Variants in PDE10A observed in about 807,000 individuals in gnomAD.
The protein encoded by PDE10A is phosphodiesterase 10A, also known as cAMP and cAMP-inhibited cGMP 3',5'-cyclic phosphodiesterase 10A.
A neutral mutation model predicts 97.7 loss-of-function variants in PDE10A; 39 were observed. That is an observed-to-expected ratio of 0.40 (90% CI 0.31 to 0.52). The LOEUF is 0.52. Among genes scored for constraint, PDE10A ranks in the 20% least tolerant of loss-of-function variants. The pLI is 0.56. For synonymous variants in PDE10A, 371 were observed against 376.8 expected (o/e 0.98, Z 0.18); for missense variants, 731 against 1,047.8 (o/e 0.70, Z 4.17).
At chr6:165,362,426 G>A (rs1291030001) in intron 18 of PDE10A, among the ~76,000 whole-genome samples, 1 of 152,126 alleles carries the variant, frequency 6.6e-6, no homozygotes, top group Admixed American at 6.6e-5. Context: ...GAACTACCAT[G>A]AACAACTGTA....
intron 1 of PDE10A, among the ~76,000 whole-genome samples, chr6:165,902,110 A>G (rs972965470): frequency 6.6e-6 from 1 of 152,216 alleles, no homozygotes; most frequent in Non-Finnish European, 1.5e-5. Context: ...ATGTATATGC[A>G]ATCTATACCT....
chr6:165,541,907 C>T (rs1179882377), intron 2 of PDE10A, among the ~76,000 whole-genome samples: 1 of 152,018 alleles, frequency 6.6e-6, no homozygotes, highest in Non-Finnish European at 1.5e-5. Context: ...GCACAAAAGC[C>T]CTCATTTAAA....
chr6:165,825,234 A>AG (rs1359832229), intron 1 of PDE10A, among the ~76,000 whole-genome samples: 3 of 151,952 alleles, frequency 2.0e-5, no homozygotes, highest in Non-Finnish European at 4.4e-5. Context: ...TGATGTGAGC[A>AG]GGGCTCTGCC....
At chr6:165,874,195 C>T (rs1290630171) in intron 1 of PDE10A, among the ~76,000 whole-genome samples, 1 of 152,136 alleles carries the variant, frequency 6.6e-6, no homozygotes, top group Non-Finnish European at 1.5e-5. Flanking sequence ...TCTCAAGTTT[C>T]CCAGTTAGCA....
At chr6:165,720,608 A>T (rs571175275) in intron 1 of PDE10A, among the ~76,000 whole-genome samples, 17 of 152,216 alleles carry the variant, frequency 1.1e-4, no homozygotes, top group Non-Finnish European at 2.5e-4. Context: ...TCTGGTTTGG[A>T]TGTGAACACC....
chr6:165,730,302 T>C (rs1342145859), intron 1 of PDE10A, among the ~76,000 whole-genome samples: 1 of 152,184 alleles, frequency 6.6e-6, no homozygotes, highest in Non-Finnish European at 1.5e-5. Context: ...GTTCAACTTA[T>C]TCTACCAGGC....
At chr6:165,974,918 A>G (rs571610582) in intron 1 of PDE10A, among the ~76,000 whole-genome samples, 3 of 152,284 alleles carry the variant, frequency 2.0e-5, no homozygotes, top group East Asian at 3.9e-4. Context: ...TGCCCTATCT[A>G]TAGAAATGGG....
chr6:165,619,906 C>CTA (rs1440982476), intron 1 of PDE10A, among the ~76,000 whole-genome samples: 1 of 152,066 alleles, frequency 6.6e-6, no homozygotes, highest in African/African-American at 2.4e-5. Context: ...GATCGGGCAG[C>CTA]TATAAACATC....
chr6:165,499,579 A>C (rs1780746804), intron 2 of PDE10A, among the ~76,000 whole-genome samples: 1 of 152,214 alleles, frequency 6.6e-6, no homozygotes, highest in South Asian at 2.1e-4. Flanking sequence ...ACCTATTTTA[A>C]AACTATTAGC....
chr6:165,986,839 T>G (rs1785236868), intron 1 of PDE10A, among the ~76,000 whole-genome samples: 1 of 151,984 alleles, frequency 6.6e-6, no homozygotes, highest in South Asian at 2.1e-4. Context: ...TTCAATGGGT[T>G]GCAAGGAAAA....
Position 165,867,973 on chromosome 6 carries a change from A to G in PDE10A, c.-615+119556T>C, listed in dbSNP as rs537120486. Among the ~76,000 whole-genome samples, 19 of 152,190 alleles carry G rather than the reference A, an allele frequency of 1.2e-4. 1 individual carries two copies. The South Asian group carries it at 3.9e-3, about 32-fold the overall frequency. On this transcript the variant is annotated intron_variant, in intron 1 of 19. Transcript: ENST00000366882. ...AGGGAAATTTTAAAAATGTCCTGAA[A>G]CAAATGAAAATGGAAACAGAATATT... is the stretch of plus-strand genomic sequence containing the variant.
intron 1 of PDE10A, among the ~76,000 whole-genome samples, chr6:165,924,600 G>T (rs778530328): frequency 6.6e-6 from 1 of 152,218 alleles, no homozygotes; most frequent in Non-Finnish European, 1.5e-5. Context: ...TTTCCATGTT[G>T]CATAGAAGAT....
At chr6:165,436,689 C>T (rs540312427) in intron 5 of PDE10A, among the ~76,000 whole-genome samples, 2 of 152,128 alleles carry the variant, frequency 1.3e-5, no homozygotes, top group Admixed American at 6.5e-5. Flanking sequence ...AGAAAGTATA[C>T]ACTTATGGAT....
In PDE10A at chr6:165,847,187, C is replaced by T. The variant is rs139821477; in HGVS notation, c.-615+140342G>A. Among the ~76,000 whole-genome samples the T allele has an allele frequency of 9.7e-3, 1,478 of 152,264 alleles. 15 individuals are homozygous for T. The highest frequency in any genetic ancestry group is 0.015 in the Non-Finnish European group (1,054 of 68,022). ...GAAATTCACTGGCTACCCTTTAGCT[C>T]CTAGGAGGTGGCTGAGTTAGTCCTG... On this transcript the variant is annotated intron_variant, in intron 1 of 19. Transcript: ENST00000366882.
intron 1 of PDE10A, among the ~76,000 whole-genome samples, chr6:165,945,963 A>G (rs1023036812): frequency 2.0e-5 from 3 of 152,208 alleles, no homozygotes; most frequent in East Asian, 1.9e-4. Context: ...ACATTTAAAG[A>G]TATCATTTAG....
intron 1 of PDE10A, among the ~76,000 whole-genome samples, chr6:165,967,212 T>G (rs960769335): frequency 2.6e-5 from 4 of 152,176 alleles, no homozygotes; most frequent in African/African-American, 9.6e-5. Flanking sequence ...TAAATACAAA[T>G]TATTGGCCAG....
At chr6:165,354,991 A>T (rs1782936624) in intron 18 of PDE10A, among the ~76,000 whole-genome samples, 1 of 152,188 alleles carries the variant, frequency 6.6e-6, no homozygotes, top group African/African-American at 2.4e-5. Flanking sequence ...AACTTTACTC[A>T]TTATAATGTA....
At chr6:165,563,824 G>C (rs977273214) in intron 1 of PDE10A, among the ~76,000 whole-genome samples, 1 of 151,866 alleles carries the variant, frequency 6.6e-6, no homozygotes, top group Non-Finnish European at 1.5e-5. Context: ...CCAGGAGGTG[G>C]AGGCTGCAGT....
intron 1 of PDE10A, among the ~76,000 whole-genome samples, chr6:165,933,811 A>T (rs1562804787): frequency 6.6e-6 from 1 of 152,184 alleles, no homozygotes; most frequent in Non-Finnish European, 1.5e-5. Context: ...ATACAGGGAG[A>T]CATCTCAGGC....
Sources: allele counts gnomAD v4.1 joint callset (sites outside exome capture counted in the v4.1 genomes callset), GRCh38; gene constraint gnomAD v4.1.1; transcripts MANE v1.5; gene names NCBI Gene and HGNC (gene_info 2026-07-23, HGNC 2026-07-21).